The following SPATA7 variants were observed in gnomAD, a reference collection of about 807,000 sequenced individuals.
SPATA7 encodes spermatogenesis-associated protein 7.
Under a neutral mutation model 51.8 loss-of-function variants are expected in SPATA7, and 43 were observed. The observed-to-expected ratio is 0.83, with a 90% CI of 0.65 to 1.07. SPATA7 has a LOEUF of 1.07. Ranked by LOEUF, SPATA7 falls within the 50% of genes least tolerant of loss-of-function variation. The pLI, the probability that SPATA7 is intolerant of heterozygous loss-of-function variation, is 0.00. For missense variants in SPATA7, 683 were observed against 701.3 expected, an observed-to-expected ratio of 0.97 and a Z score of 0.30; for synonymous variants, 230 against 252.8, an observed-to-expected ratio of 0.91 and a Z score of 0.86.
In SPATA7 at chr14:88,437,892, G is replaced by A. The variant is rs34711956; in HGVS notation, c.1270G>A (p.Glu424Lys). ...VLKVDLGCTSEENSVKQNDVD... is the reference protein window; with the variant it reads ...VLKVDLGCTSKENSVKQNDVD... ...GAAAGTAGACTTAGGCTGCACATCG[G>A]AGGAAAACTCGGTAAAGCAAAATGA... Residue 424 changes from glutamate (E) to lysine (K), a missense_variant, in exon 12 of 12, where the codon GAG becomes AAG. By Grantham distance (56) the Glu-to-Lys change is moderately conservative. Transcript: ENST00000393545. 7 of 1,610,810 alleles carry A rather than the reference G, an allele frequency of 4.3e-6. No homozygotes were observed. The highest frequency in any genetic ancestry group is 5.1e-6 in the Non-Finnish European group (6 of 1,178,408).
At chr14:88,443,883 T>C (rs1595309143) in intron 3 of SPATA7, among the ~76,000 whole-genome samples, 3 of 152,316 alleles carry the variant, frequency 2.0e-5, no homozygotes, top group Non-Finnish European at 1.5e-5. Flanking sequence ...CAGTCTATCA[T>C]TGATGGACAT....
At position 88,444,423 on chromosome 14, in the gene SPATA7, A is replaced by AT. The variant is rs947125061; in HGVS notation, c.177+6526dup. Among the ~76,000 whole-genome samples, 806 of 151,272 alleles carry AT rather than the reference A, an allele frequency of 5.3e-3. 14 individuals are homozygous for AT. Among genetic ancestry groups the AT allele is most frequent in the African/African-American group, 0.019 (780 of 40,784 alleles). The stretch of plus-strand genomic sequence containing the variant: ...GAGTAGGTTGTGAAAATTTTCTCCC[A>AT]TTTTTTAGGTTGCCTGTTCACTCTG... On this transcript the variant is annotated intron_variant, in intron 3 of 3. Transcript: ENST00000554802.
At position 88,438,036 on chromosome 14, in the gene SPATA7, G is replaced by A; in HGVS notation, c.1414G>A (p.Asp472Asn). 6.2e-7 allele frequency: 1 copy of A among 1,614,066 alleles called. No individual in the cohort carries two copies. The highest frequency in any genetic ancestry group is 8.5e-7 in the Non-Finnish European group (1 of 1,180,000). The stretch of plus-strand genomic sequence containing the variant: ...ACGTCAACAATACCAAAAGGCTTTG[G>A]ATATGTTATTGTCGGCACCAAAGGA... Reference protein sequence around the residue: ...QERQQYQKALDMLLSAPKDEN... With the variant: ...QERQQYQKALNMLLSAPKDEN... Residue 472 changes from aspartate (D) to asparagine (N), a missense_variant, in exon 12 of 12, where the codon GAT (aspartate) becomes AAT (asparagine). Transcript: ENST00000393545.
chr14:88,459,220 TG>T (rs1333826323), downstream of SPATA7, among the ~76,000 whole-genome samples: 2 of 152,246 alleles, frequency 1.3e-5, no homozygotes, highest in African/African-American at 4.8e-5. Flanking sequence ...TGGAGAGTTC[TG>T]TAGATGTCTA....
chr14:88,468,897 T>G (rs750864725), intron 4 of SPATA7: 2 of 1,613,662 alleles, frequency 1.2e-6, no homozygotes, highest in African/African-American at 2.7e-5. Flanking sequence ...AAAGGCCAGG[T>G]GATCATAAGC....
chr14:88,389,805 T>C (rs974487491), intron 1 of SPATA7, among the ~76,000 whole-genome samples: 1 of 152,206 alleles, frequency 6.6e-6, no homozygotes, highest in African/African-American at 2.4e-5. Context: ...CCTTTCACAC[T>C]TCTCTGGGTA....
chr14:88,439,491 A>G (rs181614964), downstream of SPATA7, among the ~76,000 whole-genome samples: 5 of 152,352 alleles, frequency 3.3e-5, no homozygotes, highest in South Asian at 8.3e-4. Context: ...TTTCATGCCT[A>G]GATACTGTGG....
At chr14:88,393,709 GT>G (rs1218824983) in intron 3 of SPATA7, 3 of 377,932 alleles carry the variant, frequency 7.9e-6, no homozygotes, top group South Asian at 5.1e-5. Context: ...ATTTTATTTC[GT>G]TTTTTATCTC....
At chr14:88,398,076 C>T (rs1328643141) in intron 4 of SPATA7, among the ~76,000 whole-genome samples, 3 of 138,866 alleles carry the variant, frequency 2.2e-5, no homozygotes, top group East Asian at 2.2e-4. Context: ...AGCAAGACAC[C>T]GTCTCAAAAA....
chr14:88,430,199 A>G (rs1242368209), intron 8 of SPATA7, among the ~76,000 whole-genome samples: 1 of 152,078 alleles, frequency 6.6e-6, no homozygotes, highest in Non-Finnish European at 1.5e-5. Flanking sequence ...AGGTGTTAGT[A>G]GCAGACCACT....
downstream of SPATA7, among the ~76,000 whole-genome samples, chr14:88,439,728 A>T (rs540702571): frequency 6.6e-6 from 1 of 152,222 alleles, no homozygotes; most frequent in South Asian, 2.1e-4. Context: ...TGACAGGTCC[A>T]TCTCATTCAT....
rs182299815 is a variant in SPATA7, at chr14:88,413,093, G to A, written c.239-3618G>A. ...ATTTTCAATTTCTGTGAAAAATGAT[G>A]TGAGTAGTTTGATAGGAATAGTGCT... On this transcript the variant is annotated intron_variant, in intron 4 of 11. Coordinates refer to ENST00000393545, the MANE Select transcript of SPATA7 (RefSeq NM_018418.5). Among the ~76,000 whole-genome samples the A allele has an allele frequency of 3.9e-5, 6 of 152,192 alleles. No homozygotes were observed. In the East Asian group the frequency reaches 7.7e-4, roughly 20 times the overall value.
In SPATA7 at chr14:88,429,347, G is replaced by A; in HGVS notation, c.913-1G>A. On this transcript the variant is annotated splice_acceptor_variant, in intron 7 of 11. Coordinates refer to ENST00000393545, the MANE Select transcript of SPATA7 (RefSeq NM_018418.5). LOFTEE classifies it high-confidence loss of function. ...AAATATTTTTTTTATTGCATCCCCA[G>A]GCATCTAATTGTGTGACATATGATG... 1 of 1,569,676 alleles carries A rather than the reference G, an allele frequency of 6.4e-7. No individual in the cohort carries two copies. The highest frequency in any genetic ancestry group is 8.8e-7 in the Non-Finnish European group (1 of 1,140,298).
chr14:88,431,890 A>G (rs767549853), intron 9 of SPATA7, among the ~76,000 whole-genome samples: 1 of 152,200 alleles, frequency 6.6e-6, no homozygotes, highest in South Asian at 2.1e-4. Flanking sequence ...GCTTTGGGAT[A>G]TCAATCGTAT....
At chr14:88,439,854 A>G (rs896066107), downstream of SPATA7, among the ~76,000 whole-genome samples, 2 of 151,798 alleles carry the variant, frequency 1.3e-5, no homozygotes, top group African/African-American at 4.8e-5. Flanking sequence ...GGAATCCCCA[A>G]CTCACCCTGC....
downstream of SPATA7, among the ~76,000 whole-genome samples, chr14:88,441,504 A>G (rs1226364083): frequency 1.3e-5 from 2 of 152,124 alleles, no homozygotes; most frequent in Admixed American, 6.6e-5. Context: ...ATCCACACCA[A>G]TATCTACTAT....
intron 4 of SPATA7, among the ~76,000 whole-genome samples, chr14:88,408,074 T>C (rs1449452560): frequency 6.6e-6 from 1 of 152,196 alleles, no homozygotes; most frequent in Admixed American, 6.5e-5. Context: ...TGGCTTAGGA[T>C]TGTCTTGGAT....
At chr14:88,456,320 A>ACT (rs1595317947), downstream of SPATA7, among the ~76,000 whole-genome samples, 1 of 152,242 alleles carries the variant, frequency 6.6e-6, no homozygotes, top group East Asian at 1.9e-4. Flanking sequence ...CAATGGTTGA[A>ACT]CTAGTTTACA....
chr14:88,414,776 G>GT (rs200232653), intron 4 of SPATA7: 571 of 269,698 alleles, frequency 2.1e-3, no homozygotes, highest in Middle Eastern at 8.4e-3. Flanking sequence ...GAGTTTTTTT[G>GT]TTTTTTTTTA....
Sources: gnomAD v4.1 joint callset for allele counts (sites outside exome capture counted in the v4.1 genomes callset) on GRCh38, gnomAD v4.1.1 for gene constraint, MANE v1.5 for transcripts, NCBI Gene and HGNC (gene_info 2026-07-23, HGNC 2026-07-21) for gene names.